TMEM268: variants seen among roughly 807,000 people sequenced by gnomAD.
The protein encoded by TMEM268 is transmembrane protein 268.
A neutral mutation model predicts 39.1 loss-of-function variants in TMEM268; 24 were observed. That is an observed-to-expected ratio of 0.61 (90% CI 0.44 to 0.86). The LOEUF (loss-of-function observed/expected upper bound fraction) is 0.86, where lower values mean the gene tolerates loss of function less well. Among genes scored for constraint, TMEM268 ranks in the 40% least tolerant of loss-of-function variants. The pLI is 0.00. For synonymous variants in TMEM268, 176 were observed against 173.5 expected (o/e 1.01, Z -0.12); for missense variants, 409 against 428.6 (o/e 0.95, Z 0.40).
At chr9:114,642,834 C>T (rs992305944) in intron 8 of TMEM268, among the ~76,000 whole-genome samples, 4 of 151,926 alleles carry the variant, frequency 2.6e-5, no homozygotes, top group African/African-American at 7.3e-5. Flanking sequence ...TCTAGGGCTT[C>T]GAGGTTGCAT....
At chr9:114,617,938 A>C (rs1253966399) in intron 2 of TMEM268, among the ~76,000 whole-genome samples, 1 of 151,496 alleles carries the variant, frequency 6.6e-6, no homozygotes, top group Non-Finnish European at 1.5e-5. Flanking sequence ...ATGCAGTGGC[A>C]TGATCTCGGT....
Position 114,646,228 on chromosome 9 carries a change from A to G in TMEM268, c.*2915A>G, listed in dbSNP as rs76236031. 131 of 152,266 alleles carry G rather than the reference A, an allele frequency of 8.6e-4. No individual in the cohort carries two copies. The highest frequency in any genetic ancestry group is 3.0e-3 in the African/African-American group (125 of 41,548). 9.4% of individuals were successfully genotyped at this position (152,266 alleles called of 1,614,324 possible). A position where few individuals can be genotyped will look rare whatever the true frequency, so the allele number is the denominator to read the frequency against. ...TTGCATGGATTCTAGAGTTCTGTTTATTCTAATCCAAGTTCTTCCACTTAA... is the reference window on the plus strand; with the variant it reads ...TTGCATGGATTCTAGAGTTCTGTTTGTTCTAATCCAAGTTCTTCCACTTAA... On this transcript the variant is annotated 3_prime_UTR_variant, in exon 9 of 9. Coordinates refer to ENST00000288502, the MANE Select transcript of TMEM268 (RefSeq NM_153045.4).
intron 2 of TMEM268, among the ~76,000 whole-genome samples, chr9:114,619,929 C>G (rs753873166): frequency 6.6e-6 from 1 of 151,908 alleles, no homozygotes; most frequent in Non-Finnish European, 1.5e-5. Flanking sequence ...TATTTTTAGG[C>G]TGGGCATGGT....
chr9:114,615,017 C>G (rs936002329), intron 1 of TMEM268, among the ~76,000 whole-genome samples: 6 of 151,922 alleles, frequency 3.9e-5, no homozygotes, highest in Admixed American at 1.3e-4. Context: ...CTGCCTCAGC[C>G]TCCTGAGTAG....
At chr9:114,639,530 CCTT>C (rs1846798977) in intron 8 of TMEM268, among the ~76,000 whole-genome samples, 1 of 152,014 alleles carries the variant, frequency 6.6e-6, no homozygotes, top group Non-Finnish European at 1.5e-5. Flanking sequence ...CTTGTGCTTA[CCTT>C]CTTCTCATGA....
At chr9:114,608,335 CAGAG>C (rs1387486330), upstream of TMEM268, among the ~76,000 whole-genome samples, 1 of 152,198 alleles carries the variant, frequency 6.6e-6, no homozygotes, top group Admixed American at 6.5e-5. Flanking sequence ...TATTGAAACT[CAGAG>C]AGTGAGCTGA....
At chr9:114,619,891 GT>G (rs370894102) in intron 2 of TMEM268, among the ~76,000 whole-genome samples, 80 of 151,910 alleles carry the variant, frequency 5.3e-4, no homozygotes, top group African/African-American at 1.8e-3. Flanking sequence ...GTTTTTTCTG[GT>G]TTTCCTCATT....
At chr9:114,638,413 G>A in intron 7 of TMEM268, 131 bp from the exon 8 acceptor site, 2 of 609,236 alleles carry the variant, frequency 3.3e-6, no homozygotes, top group South Asian at 2.9e-5. Flanking sequence ...AATGCGACCA[G>A]CTTTTTCTGA....
At chr9:114,605,372 A>C in the TMEM268 span, among the ~76,000 whole-genome samples, 3 of 151,990 alleles carry the variant, frequency 2.0e-5, no homozygotes, top group Non-Finnish European at 4.4e-5. Flanking sequence ...TTGTGCAAAT[A>C]CATGGGTCTT....
intron 2 of TMEM268, chr9:114,622,008 G>A: frequency 2.4e-6 from 2 of 818,280 alleles, no homozygotes; most frequent in Non-Finnish European, 3.0e-6. Flanking sequence ...TAGGTTTGCA[G>A]CAGAAGCCAC....
chr9:114,631,976 G>A (rs1450916695), intron 5 of TMEM268, among the ~76,000 whole-genome samples: 4 of 151,648 alleles, frequency 2.6e-5, no homozygotes, highest in Admixed American at 1.3e-4. Flanking sequence ...TGGCATGCAT[G>A]TGTGGTCCCA....
At chr9:114,626,418 A>C (rs1041476063) in intron 3 of TMEM268, among the ~76,000 whole-genome samples, 1 of 152,128 alleles carries the variant, frequency 6.6e-6, no homozygotes, top group African/African-American at 2.4e-5. Context: ...GATAGTGGCA[A>C]CTCTATATTG....
At chr9:114,633,931 A>AGCCC in intron 6 of TMEM268, 53 bp downstream of exon 6, 1 of 1,057,452 alleles carries the variant, frequency 9.5e-7, no homozygotes, top group Non-Finnish European at 1.4e-6. Flanking sequence ...ATGTTGGGCT[A>AGCCC]ATGGAGAGCA....
At chr9:114,636,851 C>G in intron 6 of TMEM268, 139 bp from the exon 7 acceptor site, 2 of 602,592 alleles carry the variant, frequency 3.3e-6, no homozygotes, top group Non-Finnish European at 6.0e-6. Flanking sequence ...TTCTACCAAC[C>G]ATACAAATGA....
chr9:114,645,178 A>G lies in TMEM268; in HGVS notation c.*1865A>G, dbSNP rs1827524058. Reference sequence around the variant, plus strand: ...TCTGCCCCCTCATAGCCCTTGGCCTATCTATCTTTATCCACATGCAGAAAC... The same window carrying G: ...TCTGCCCCCTCATAGCCCTTGGCCTGTCTATCTTTATCCACATGCAGAAAC... On this transcript the variant is annotated 3_prime_UTR_variant, in exon 9 of 9. Coordinates refer to ENST00000288502, the MANE Select transcript of TMEM268 (RefSeq NM_153045.4). 2 of 152,330 alleles carry G rather than the reference A, an allele frequency of 1.3e-5. No individual in the cohort carries two copies. Among genetic ancestry groups the G allele is most frequent in the East Asian group, 1.9e-4 (1 of 5,328 alleles). The allele number at this position is 152,330 out of a possible 1,614,324, so 9.4% of individuals were successfully genotyped here. A position where few individuals can be genotyped will look rare whatever the true frequency, so the allele number is the denominator to read the frequency against.
chr9:114,627,977 G>C, intron 4 of TMEM268, 124 bp from the exon 5 acceptor site: 1 of 991,230 alleles, frequency 1.0e-6, no homozygotes, highest in Non-Finnish European at 1.5e-6. Flanking sequence ...ATCTCTTACT[G>C]GTGCTGTGAG....
At chr9:114,611,111 T>C (rs1464152728), upstream of TMEM268, 1 of 152,378 alleles carries the variant, frequency 6.6e-6, no homozygotes, top group African/African-American at 2.4e-5. Context: ...CCCAATAAAC[T>C]TCTGGTCTCA....
At chr9:114,625,163 T>A (rs1846104251) in intron 3 of TMEM268, among the ~76,000 whole-genome samples, 1 of 152,200 alleles carries the variant, frequency 6.6e-6, no homozygotes, top group Non-Finnish European at 1.5e-5. Flanking sequence ...TAAATGTGGA[T>A]AATATTGATC....
upstream of TMEM268, among the ~76,000 whole-genome samples, chr9:114,610,040 CA>C (rs1845438583): frequency 6.8e-6 from 1 of 147,630 alleles, no homozygotes; most frequent in Non-Finnish European, 1.5e-5. Context: ...GCGGTTTTTG[CA>C]ATTTTTTTTT....
Sources: allele counts gnomAD v4.1 joint callset (sites outside exome capture counted in the v4.1 genomes callset), GRCh38; gene constraint gnomAD v4.1.1; transcripts MANE v1.5; gene names NCBI Gene and HGNC (gene_info 2026-07-23, HGNC 2026-07-21).